Variants in ARMH3 observed in about 807,000 individuals in gnomAD.
The protein encoded by ARMH3 is armadillo like helical domain containing 3.
Under a neutral mutation model 99.1 loss-of-function variants are expected in ARMH3, and 60 were observed. The ratio of observed to expected loss-of-function variants is 0.61; its 90% CI spans 0.49 to 0.75. The LOEUF (loss-of-function observed/expected upper bound fraction) is 0.75, where lower values mean the gene tolerates loss of function less well. Among genes scored for constraint, ARMH3 ranks in the 30% least tolerant of loss-of-function variants. ARMH3 has a pLI of 0.00. For synonymous variants in ARMH3, 285 were observed against 292.8 expected (o/e 0.97, Z 0.27); for missense variants, 679 against 843.1 (o/e 0.81, Z 2.41).
At chr10:101,952,725 A>T (rs2135786542) in intron 22 of ARMH3, 1 of 152,320 alleles carries the variant, frequency 6.6e-6, no homozygotes, top group Non-Finnish European at 1.5e-5. Flanking sequence ...ATTTTTAAGC[A>T]TACAATTTAG....
At chr10:101,971,095 C>CAA (rs71472590) in intron 20 of ARMH3, among the ~76,000 whole-genome samples, 416 of 32,648 alleles carry the variant, frequency 0.013, no homozygotes, top group Middle Eastern at 0.017. Context: ...AGACCGTCTC[C>CAA]AAAAAAAAAA....
At chr10:101,992,591 A>T (rs1004257129) in intron 17 of ARMH3, among the ~76,000 whole-genome samples, 1 of 150,014 alleles carries the variant, frequency 6.7e-6, no homozygotes, top group Admixed American at 6.7e-5. Flanking sequence ...TGTCTCCTGG[A>T]TTCGCGCCAT....
At chr10:101,873,960 T>C (rs2067197939) in intron 24 of ARMH3, among the ~76,000 whole-genome samples, 1 of 152,224 alleles carries the variant, frequency 6.6e-6, no homozygotes, top group Non-Finnish European at 1.5e-5. Flanking sequence ...TGTACAGATC[T>C]TTGGGTGGAT....
intron 23 of ARMH3, among the ~76,000 whole-genome samples, chr10:101,912,391 CAAAAAAA>C (rs34173316): frequency 1.2e-5 from 1 of 83,092 alleles, no homozygotes; most frequent in Non-Finnish European, 2.3e-5. Flanking sequence ...GACTCTGTCT[CAAAAAAA>C]AAAAAAAAAA....
intron 22 of ARMH3, among the ~76,000 whole-genome samples, chr10:101,944,271 TATAGAGAGAGAG>T (rs1432708393): frequency 1.2e-4 from 5 of 40,026 alleles, no homozygotes; most frequent in African/African-American, 3.6e-4. Context: ...TATATATATA[TATAGAGAGAGAG>T]AGAGAGAGAG....
At chr10:101,962,970 CT>C (rs11358645) in intron 20 of ARMH3, among the ~76,000 whole-genome samples, 32,820 of 131,458 alleles carry the variant, frequency 0.25, 3,106 homozygotes, top group East Asian at 0.46. Context: ...GTCTTTTTTT[CT>C]TTTTTTTTTT....
At chr10:101,942,707 CA>C (rs1427341065) in intron 22 of ARMH3, among the ~76,000 whole-genome samples, 1 of 150,812 alleles carries the variant, frequency 6.6e-6, no homozygotes. Flanking sequence ...ACTAAAGATA[CA>C]AAAAAAAATT....
chr10:101,895,522 G>A (rs1184245699), intron 23 of ARMH3, among the ~76,000 whole-genome samples: 2 of 152,012 alleles, frequency 1.3e-5, no homozygotes, highest in East Asian at 1.9e-4. Flanking sequence ...CTCATGATCC[G>A]CCTGCCTCAG....
At chr10:101,882,403 C>T (rs2067441141) in intron 24 of ARMH3, among the ~76,000 whole-genome samples, 1 of 152,150 alleles carries the variant, frequency 6.6e-6, no homozygotes, top group African/African-American at 2.4e-5. Context: ...CATTTGTAAA[C>T]CAACTCAAAC....
At chr10:101,848,993 A>G (rs2066523228) in intron 25 of ARMH3, among the ~76,000 whole-genome samples, 1 of 152,220 alleles carries the variant, frequency 6.6e-6, no homozygotes, top group African/African-American at 2.4e-5. Flanking sequence ...TGTTTAGCAC[A>G]AGACAAACGA....
chr10:102,053,692 C>T (rs747774895), intron 1 of ARMH3, among the ~76,000 whole-genome samples: 81 of 150,782 alleles, frequency 5.4e-4, no homozygotes, highest in Non-Finnish European at 9.0e-4. Context: ...GGGAGTCTCG[C>T]TCTGTCGCCC....
intron 23 of ARMH3, among the ~76,000 whole-genome samples, chr10:101,919,609 C>T (rs1843224943): frequency 6.6e-6 from 1 of 152,142 alleles, no homozygotes; most frequent in African/African-American, 2.4e-5. Flanking sequence ...GGCTGCGGCA[C>T]AGTGGTTTGT....
intron 24 of ARMH3, among the ~76,000 whole-genome samples, chr10:101,850,098 T>C (rs945162481): frequency 4.2e-5 from 6 of 142,608 alleles, no homozygotes; most frequent in East Asian, 4.1e-4. Flanking sequence ...CTCTTTTTTT[T>C]TTTTTTTTTT....
chr10:102,030,657 C>T (rs538723815), intron 4 of ARMH3, among the ~76,000 whole-genome samples: 15 of 152,120 alleles, frequency 9.9e-5, no homozygotes, highest in African/African-American at 3.4e-4. Context: ...TGCAGTGAGC[C>T]GAGATCGCTC....
chr10:102,033,491 C>T (rs1413314215), intron 2 of ARMH3, 152 bp from the exon 3 acceptor site: 1 of 805,494 alleles, frequency 1.2e-6, no homozygotes, highest in Non-Finnish European at 1.9e-6. Context: ...GATCTCGGCT[C>T]ACTGCAGGCT....
chr10:101,864,060 CAAAAAAAAA>C (rs71485765), intron 24 of ARMH3, among the ~76,000 whole-genome samples: 1 of 105,680 alleles, frequency 9.5e-6, no homozygotes, highest in Non-Finnish European at 1.8e-5. Context: ...GACTCCATCT[CAAAAAAAAA>C]AAAAAAAAAA....
intron 1 of ARMH3, among the ~76,000 whole-genome samples, chr10:102,050,683 C>A (rs936892683): frequency 1.6e-4 from 24 of 151,056 alleles, no homozygotes; most frequent in Non-Finnish European, 2.8e-4. Context: ...CATGGTAAAA[C>A]CCCATCTCTA....
At chr10:101,849,232 G>C (rs1266118845) in intron 25 of ARMH3, among the ~76,000 whole-genome samples, 3 of 152,218 alleles carry the variant, frequency 2.0e-5, no homozygotes, top group African/African-American at 7.2e-5. Context: ...TACAGGGCAG[G>C]AAAGGGACCA....
intron 25 of ARMH3, among the ~76,000 whole-genome samples, chr10:101,849,198 G>T (rs1011333863): frequency 3.9e-5 from 6 of 152,208 alleles, no homozygotes; most frequent in Non-Finnish European, 8.8e-5. Flanking sequence ...GGGGGGCTGA[G>T]CTTTTCTTGA....
Sources: allele counts gnomAD v4.1 joint callset (sites outside exome capture counted in the v4.1 genomes callset), GRCh38; gene constraint gnomAD v4.1.1; transcripts MANE v1.5; gene names NCBI Gene and HGNC (gene_info 2026-07-23, HGNC 2026-07-21).